The following TBCK variants were observed in gnomAD, a reference collection of about 807,000 sequenced individuals.
TBCK encodes the protein TBC1 domain containing kinase.
A neutral mutation model predicts 113.4 loss-of-function variants in TBCK; 99 were observed. The observed-to-expected ratio is 0.87, with a 90% CI of 0.74 to 1.03. The LOEUF (loss-of-function observed/expected upper bound fraction) is 1.03. TBCK is among the 50% of genes least tolerant of loss of function. The pLI is 0.00. For missense variants in TBCK, 1,045 were observed against 1,061.3 expected (o/e 0.98, Z 0.21); for synonymous variants, 369 against 370.8 (o/e 1.00, Z 0.05).
intron 16 of TBCK, 27 bp downstream of exon 16, chr4:106,233,561 G>A: frequency 5.0e-6 from 8 of 1,585,224 alleles, no homozygotes; most frequent in Non-Finnish European, 6.9e-6. Flanking sequence ...AATTATCTTA[G>A]GTTGCTTAAG....
Position 106,194,740 on chromosome 4 carries a change from A to G in TBCK, c.1875T>C (p.Pro625=). 6.3e-7 allele frequency: 1 copy of G among 1,588,460 alleles called. No individual in the cohort carries two copies. Among genetic ancestry groups the G allele is most frequent in the South Asian group, 1.2e-5 (1 of 86,586 alleles). The change falls in exon 21 of 26, where the codon CCT becomes CCC. Residue 625 remains proline (P), a synonymous_variant. Coordinates refer to ENST00000394708, the MANE Select transcript of TBCK (RefSeq NM_001163435.3). ...TACGAGTAAACATGGTAAGAAACCA[A>G]GGGATGGCATAGAGCTATGAGTGGA... is the stretch of plus-strand genomic sequence containing the variant. ...IGFIPDLYAI[P]WFLTMFTHVF...
chr4:106,076,042 G>T (rs1578823260), intron 25 of TBCK, among the ~76,000 whole-genome samples: 1 of 152,322 alleles, frequency 6.6e-6, no homozygotes, highest in South Asian at 2.1e-4. Flanking sequence ...CTCTGACACA[G>T]GCAAATGAGA....
intron 1 of TBCK, among the ~76,000 whole-genome samples, chr4:106,311,200 TACACACACACACACACACACACACACAC>T (rs36011277): frequency 1.6e-4 from 22 of 138,194 alleles, no homozygotes; most frequent in Non-Finnish European, 3.5e-4. Flanking sequence ...CAGAAACTCC[TACACACACACACACACACACACACACAC>T]ACACACACAC....
chr4:106,241,073 C>T (rs544697942), intron 12 of TBCK, among the ~76,000 whole-genome samples: 1 of 151,970 alleles, frequency 6.6e-6, no homozygotes, highest in African/African-American at 2.4e-5. Context: ...AAGTTGTTCA[C>T]TGTAAATGCT....
At chr4:106,268,769 A>G (rs1763219372) in intron 3 of TBCK, among the ~76,000 whole-genome samples, 1 of 152,138 alleles carries the variant, frequency 6.6e-6, no homozygotes, top group South Asian at 2.1e-4. Flanking sequence ...GCCTCAAACC[A>G]TCAGCTCTTT....
At chr4:106,130,332 A>G (rs1277490969) in intron 23 of TBCK, among the ~76,000 whole-genome samples, 1 of 152,212 alleles carries the variant, frequency 6.6e-6, no homozygotes, top group African/African-American at 2.4e-5. Context: ...CAGAAAAAAC[A>G]TTTATCAAAC....
At chr4:106,082,588 T>TA (rs766445474) in intron 25 of TBCK, among the ~76,000 whole-genome samples, 1 of 150,312 alleles carries the variant, frequency 6.7e-6, no homozygotes, top group South Asian at 2.1e-4. Context: ...AACTTCAACT[T>TA]AAAAAAATAG....
intron 3 of TBCK, among the ~76,000 whole-genome samples, chr4:106,290,076 T>C (rs1379308686): frequency 2.0e-5 from 3 of 152,202 alleles, no homozygotes; most frequent in Admixed American, 6.5e-5. Flanking sequence ...GTGGGCATAA[T>C]TGGTTTTCAA....
intron 20 of TBCK, among the ~76,000 whole-genome samples, chr4:106,210,243 T>TC (rs757830995): frequency 1.3e-5 from 2 of 151,770 alleles, no homozygotes; most frequent in Non-Finnish European, 2.9e-5. Context: ...AAAAAAAAAA[T>TC]CCAATTCCTT....
At chr4:106,219,233 G>T (rs1039044999) in intron 19 of TBCK, among the ~76,000 whole-genome samples, 1 of 113,724 alleles carries the variant, frequency 8.8e-6, no homozygotes, top group African/African-American at 3.4e-5. Flanking sequence ...GGTGGGGGGA[G>T]GGGGGAGGGA....
chr4:106,149,251 T>C (rs532791180), intron 23 of TBCK, among the ~76,000 whole-genome samples: 1 of 152,352 alleles, frequency 6.6e-6, no homozygotes, highest in Non-Finnish European at 1.5e-5. Flanking sequence ...TCTTATCATC[T>C]GTTGTTCACT....
chr4:106,193,386 G>T (rs557720748), intron 22 of TBCK, among the ~76,000 whole-genome samples: 34 of 152,204 alleles, frequency 2.2e-4, no homozygotes, highest in African/African-American at 8.2e-4. Context: ...GCATTACCAA[G>T]ATGGAAGTAA....
intron 1 of TBCK, among the ~76,000 whole-genome samples, chr4:106,313,844 G>C (rs1015777839): frequency 1.8e-4 from 28 of 152,284 alleles, no homozygotes; most frequent in Admixed American, 5.9e-4. Context: ...TAAGAAAGTG[G>C]GGACGGTTAA....
chr4:106,158,696 G>C (rs955833297), intron 23 of TBCK, among the ~76,000 whole-genome samples: 2 of 151,984 alleles, frequency 1.3e-5, no homozygotes, highest in Non-Finnish European at 2.9e-5. Flanking sequence ...AGATCTGATG[G>C]CTTAACTGGT....
At chr4:106,184,654 T>C (rs1268024936) in intron 22 of TBCK, among the ~76,000 whole-genome samples, 7 of 152,002 alleles carry the variant, frequency 4.6e-5, no homozygotes, top group African/African-American at 1.4e-4. Flanking sequence ...TAAATGAATA[T>C]AATTTTAAAA....
intron 14 of TBCK, among the ~76,000 whole-genome samples, chr4:106,235,841 GTA>G (rs1759399509): frequency 6.6e-6 from 1 of 152,014 alleles, no homozygotes; most frequent in South Asian, 2.1e-4. Flanking sequence ...TTCTAGAAGA[GTA>G]TTAATAGGAC....
intron 24 of TBCK, among the ~76,000 whole-genome samples, chr4:106,108,656 T>C (rs1030910429): frequency 6.6e-6 from 1 of 152,158 alleles, no homozygotes; most frequent in Non-Finnish European, 1.5e-5. Flanking sequence ...AACATTATAC[T>C]GAAGGGGCAA....
At chr4:106,185,397 A>T (rs1752895446) in intron 22 of TBCK, among the ~76,000 whole-genome samples, 1 of 152,030 alleles carries the variant, frequency 6.6e-6, no homozygotes, top group African/African-American at 2.4e-5. Flanking sequence ...CCATATCATT[A>T]ACTGTATATT....
chr4:106,099,624 C>G (rs1403807545), intron 24 of TBCK, among the ~76,000 whole-genome samples: 1 of 152,122 alleles, frequency 6.6e-6, no homozygotes, highest in Non-Finnish European at 1.5e-5. Context: ...TGAATGGCAT[C>G]ACCATCCCCC....
Sources: allele counts gnomAD v4.1 joint callset (sites outside exome capture counted in the v4.1 genomes callset), GRCh38; gene constraint gnomAD v4.1.1; transcripts MANE v1.5; gene names NCBI Gene and HGNC (gene_info 2026-07-23, HGNC 2026-07-21).